GNG12: variants seen among roughly 807,000 people sequenced by gnomAD.
GNG12 encodes the protein guanine nucleotide-binding protein G(I)/G(S)/G(O) subunit gamma-12.
For missense variants in GNG12, 69 were observed against 83.8 expected, an observed-to-expected ratio of 0.82 and a Z score of 0.69; for synonymous variants, 28 against 29.7, an observed-to-expected ratio of 0.94 and a Z score of 0.19.
chr1:67,745,371 C>G (rs1646502314), intron 2 of GNG12, among the ~76,000 whole-genome samples: 1 of 152,182 alleles, frequency 6.6e-6, no homozygotes, highest in Admixed American at 6.5e-5. Flanking sequence ...ACATGAATTA[C>G]TGCGTGACTT....
intron 2 of GNG12, among the ~76,000 whole-genome samples, chr1:67,731,433 A>G (rs1646418471): frequency 6.6e-6 from 1 of 152,274 alleles, no homozygotes; most frequent in Non-Finnish European, 1.5e-5. Context: ...AGGAGAGTTC[A>G]GAGGAGAGTG....
In GNG12 at chr1:67,704,416, A is replaced by C. The variant is rs1646233177; in HGVS notation, c.*1035T>G. The stretch of plus-strand genomic sequence containing the variant: ...AAACAGATGCTCTGGTAAGAGAAGA[A>C]AGACACAGGGAAGGCAGAGAGAGCA... On this transcript the variant is annotated 3_prime_UTR_variant, in exon 4 of 4. Transcript: ENST00000370982. The C allele has an allele frequency of 6.6e-6, 1 of 152,236 alleles. No individual in the cohort carries two copies. The highest frequency in any genetic ancestry group is 1.5e-5 in the Non-Finnish European group (1 of 68,054). The allele number at this position is 152,236 out of a possible 1,614,324, so 9.4% of individuals were successfully genotyped here. A position where few individuals can be genotyped will look rare whatever the true frequency, so the allele number is the denominator to read the frequency against.
Position 67,730,845 on chromosome 1 carries a change from A to C in GNG12, c.-26-23133T>G, listed in dbSNP as rs372248364. Among the ~76,000 whole-genome samples, 10 of 152,310 alleles carry C rather than the reference A, an allele frequency of 6.6e-5. No homozygotes were observed. The South Asian group carries it at 1.0e-3, about 16-fold the overall frequency. On this transcript the variant is annotated intron_variant, in intron 2 of 3. Transcript: ENST00000370982. ...CAGGAACCCTTTTCAATACGGCTGT[A>C]ATCTATTGTTTCAGAGTACTTTTTC...
chr1:67,823,552 T>G (rs1164288088), intron 1 of GNG12, among the ~76,000 whole-genome samples: 1 of 152,204 alleles, frequency 6.6e-6, no homozygotes, highest in Non-Finnish European at 1.5e-5. Context: ...ATCAACATTC[T>G]AGAAAAGATG....
chr1:67,807,573 A>T lies in GNG12; in HGVS notation c.-77+25771T>A, dbSNP rs1033141431. Among the ~76,000 whole-genome samples, 6 of 152,028 alleles carry T rather than the reference A, an allele frequency of 3.9e-5. No individual in the cohort carries two copies. The East Asian group carries it at 1.2e-3, about 29-fold the overall frequency. ...AGGTCAATAAAATTGATAAGCATCT[A>T]GTGAGTCTGAGAAAAAAAGAAAGAA... is the stretch of plus-strand genomic sequence containing the variant. On this transcript the variant is annotated intron_variant, in intron 1 of 3. Transcript: ENST00000370982.
At chr1:67,743,736 C>A (rs1463202371) in intron 2 of GNG12, among the ~76,000 whole-genome samples, 1 of 152,180 alleles carries the variant, frequency 6.6e-6, no homozygotes, top group Non-Finnish European at 1.5e-5. Context: ...ATGCTTAAGA[C>A]ACTTCTATAT....
chr1:67,759,328 C>T (rs1292596938), intron 2 of GNG12, among the ~76,000 whole-genome samples: 1 of 152,198 alleles, frequency 6.6e-6, no homozygotes, highest in African/African-American at 2.4e-5. Context: ...TGTTGGCTAA[C>T]TATAGTCTGA....
At chr1:67,824,877 A>G (rs1647003197) in intron 1 of GNG12, among the ~76,000 whole-genome samples, 1 of 152,086 alleles carries the variant, frequency 6.6e-6, no homozygotes, top group Non-Finnish European at 1.5e-5. Context: ...GTGTTATATT[A>G]CCTGCTGGAT....
At chr1:67,833,321 C>G in intron 1 of GNG12, 23 bp downstream of exon 1, 1 of 942,312 alleles carries the variant, frequency 1.1e-6, no homozygotes, top group Non-Finnish European at 1.3e-6. Context: ...ACTCACCACC[C>G]GCGCCCGCCG....
intron 2 of GNG12, among the ~76,000 whole-genome samples, chr1:67,726,689 A>G (rs1646388204): frequency 6.6e-6 from 1 of 152,248 alleles, no homozygotes; most frequent in African/African-American, 2.4e-5. Flanking sequence ...GCTTTTTTCT[A>G]GTTAAATATC....
intron 2 of GNG12, among the ~76,000 whole-genome samples, chr1:67,732,392 C>A (rs1646424999): frequency 6.6e-6 from 1 of 152,204 alleles, no homozygotes; most frequent in Non-Finnish European, 1.5e-5. Flanking sequence ...CCCTGACTTC[C>A]CATGGGATCT....
chr1:67,790,785 T>G (rs1370769203), intron 1 of GNG12, among the ~76,000 whole-genome samples: 3 of 152,066 alleles, frequency 2.0e-5, no homozygotes, highest in Non-Finnish European at 4.4e-5. Context: ...CTGGCTAATT[T>G]TTGTATTTTT....
At chr1:67,708,833 G>A (rs967329800) in intron 2 of GNG12, among the ~76,000 whole-genome samples, 1 of 152,174 alleles carries the variant, frequency 6.6e-6, no homozygotes, top group African/African-American at 2.4e-5. Flanking sequence ...AAAGTCTTAG[G>A]GCTCCGTGGC....
rs1158081223 is a variant in GNG12, at chr1:67,702,720, C to T, written c.*2731G>A. On this transcript the variant is annotated 3_prime_UTR_variant, in exon 4 of 4. Transcript: ENST00000370982. The stretch of plus-strand genomic sequence containing the variant: ...ATACTTCGGAGTCATGAAATCATGC[C>T]GTGGTCCTGAGGCCTCAACTGGACA... The T allele has an allele frequency of 4.0e-5, 6 of 151,752 alleles. No individual in the cohort carries two copies. Among genetic ancestry groups the T allele is most frequent in the Non-Finnish European group, 5.9e-5 (4 of 67,966 alleles). The allele number at this position is 151,752 out of a possible 1,614,324, so 9.4% of individuals were successfully genotyped here.
chr1:67,766,419 C>A (rs1195944385), intron 2 of GNG12, among the ~76,000 whole-genome samples: 1 of 152,102 alleles, frequency 6.6e-6, no homozygotes, highest in Non-Finnish European at 1.5e-5. Flanking sequence ...ATACATTTCA[C>A]TTCGGCTGAT....
intron 2 of GNG12, among the ~76,000 whole-genome samples, chr1:67,723,414 G>C (rs1376325129): frequency 6.6e-6 from 1 of 152,184 alleles, no homozygotes; most frequent in African/African-American, 2.4e-5. Flanking sequence ...GTATAAATAC[G>C]TTTAGTTAAA....
chr1:67,779,451 C>A (rs1023780386), intron 1 of GNG12, among the ~76,000 whole-genome samples: 2 of 152,176 alleles, frequency 1.3e-5, no homozygotes, highest in Admixed American at 1.3e-4. Flanking sequence ...TCAGACTACT[C>A]TAAAAAGCCC....
intron 2 of GNG12, among the ~76,000 whole-genome samples, chr1:67,727,294 A>G (rs1164881767): frequency 1.3e-5 from 2 of 152,268 alleles, no homozygotes; most frequent in East Asian, 3.8e-4. Flanking sequence ...TGACCAAATA[A>G]GAGTTTCAGA....
intron 2 of GNG12, among the ~76,000 whole-genome samples, chr1:67,751,040 T>C (rs1315787095): frequency 6.6e-6 from 1 of 152,184 alleles, no homozygotes; most frequent in Non-Finnish European, 1.5e-5. Context: ...CATTAAAATA[T>C]TTTTCACCAG....
Sources: gnomAD v4.1 joint callset for allele counts (sites outside exome capture counted in the v4.1 genomes callset) on GRCh38, gnomAD v4.1.1 for gene constraint, MANE v1.5 for transcripts, NCBI Gene and HGNC (gene_info 2026-07-23, HGNC 2026-07-21) for gene names.